Variants in ARHGAP10 observed in about 807,000 individuals in gnomAD.
The protein encoded by ARHGAP10 is rho GTPase-activating protein 10.
Under a neutral mutation model 108.6 loss-of-function variants are expected in ARHGAP10, and 87 were observed. The observed-to-expected ratio is 0.80, with a 90% CI of 0.67 to 0.96. ARHGAP10 has a LOEUF of 0.96. ARHGAP10 is among the 40% of genes least tolerant of loss of function. The probability of loss-of-function intolerance (pLI) is 0.00; values close to 1 mark genes in which losing one functional copy is unlikely to be tolerated. For synonymous variants in ARHGAP10, 347 were observed against 341.1 expected (o/e 1.02, Z -0.19); for missense variants, 939 against 954.5 (o/e 0.98, Z 0.21).
At chr4:147,904,216 T>C (rs979708035) in intron 10 of ARHGAP10, among the ~76,000 whole-genome samples, 1 of 151,982 alleles carries the variant, frequency 6.6e-6, no homozygotes, top group African/African-American at 2.4e-5. Flanking sequence ...GGTGCATCTT[T>C]TCTTTCTTTC....
At chr4:147,880,920 T>G (rs1735303426) in intron 9 of ARHGAP10, among the ~76,000 whole-genome samples, 1 of 151,916 alleles carries the variant, frequency 6.6e-6, no homozygotes, top group Non-Finnish European at 1.5e-5. Context: ...AAAAAAAGAG[T>G]ACAATAAGAG....
chr4:147,752,708 G>A (rs1579001076), intron 1 of ARHGAP10, among the ~76,000 whole-genome samples: 1 of 152,168 alleles, frequency 6.6e-6, no homozygotes, highest in East Asian at 1.9e-4. Flanking sequence ...CTGTATTTTA[G>A]TAGAGACGGA....
At chr4:147,738,896 T>C (rs1445161257) in intron 1 of ARHGAP10, among the ~76,000 whole-genome samples, 2 of 151,928 alleles carry the variant, frequency 1.3e-5, no homozygotes, top group Admixed American at 6.6e-5. Context: ...TGAAAACACA[T>C]TGGTGGCTGG....
intron 10 of ARHGAP10, among the ~76,000 whole-genome samples, chr4:147,904,026 G>A (rs1457515555): frequency 6.6e-6 from 1 of 152,122 alleles, no homozygotes; most frequent in Non-Finnish European, 1.5e-5. Flanking sequence ...TTTTACTTTT[G>A]TAAGAAACAA....
intron 12 of ARHGAP10, among the ~76,000 whole-genome samples, chr4:147,911,642 G>A (rs1045231873): frequency 4.1e-4 from 16 of 39,268 alleles, no homozygotes; most frequent in Non-Finnish European, 2.0e-3. Context: ...GATTACAGGC[G>A]TGAGCCACCG....
rs780159587 is a variant in ARHGAP10, at chr4:147,826,225, C to T, written c.312+3268C>T. Among the ~76,000 whole-genome samples, 9 of 152,128 alleles carry T rather than the reference C, an allele frequency of 5.9e-5. No homozygotes were observed. The East Asian group carries it at 9.6e-4, about 16-fold the overall frequency. On this transcript the variant is annotated intron_variant, in intron 3 of 22. Coordinates refer to ENST00000336498, the MANE Select transcript of ARHGAP10 (RefSeq NM_024605.4). ...CTGTTTTAGGTTCCTAGAAATAGAG[C>T]GATGAGGTCCAAAAACAGGAACATG... is the stretch of plus-strand genomic sequence containing the variant.
chr4:147,964,013 G>A (rs550633102), intron 16 of ARHGAP10, among the ~76,000 whole-genome samples: 54 of 152,318 alleles, frequency 3.5e-4, no homozygotes, highest in African/African-American at 1.3e-3. Flanking sequence ...ATAAGATCGT[G>A]TATTAAGCAC....
intron 3 of ARHGAP10, among the ~76,000 whole-genome samples, chr4:147,830,993 C>T (rs1560780159): frequency 6.6e-6 from 1 of 152,194 alleles, no homozygotes; most frequent in African/African-American, 2.4e-5. Flanking sequence ...AGTATGGTCC[C>T]TGGTCCAGCA....
At chr4:147,764,142 C>T (rs1729699578) in intron 1 of ARHGAP10, among the ~76,000 whole-genome samples, 1 of 152,056 alleles carries the variant, frequency 6.6e-6, no homozygotes, top group Admixed American at 6.6e-5. Flanking sequence ...AGGACGTGAG[C>T]AAGTTTCTGA....
chr4:147,812,771 A>G (rs1016625583), intron 1 of ARHGAP10, among the ~76,000 whole-genome samples: 1 of 152,206 alleles, frequency 6.6e-6, no homozygotes, highest in African/African-American at 2.4e-5. Context: ...AACTGAACCC[A>G]GGACCCAAAG....
Position 148,023,282 on chromosome 4 carries a change from A to C in ARHGAP10, c.1736A>C (p.Asp579Ala). ...TGGAAGATTTTTCGGACGCCGCCCG[A>C]TACTACATTCCCTGAGCCCACCTGC... ...NHEKIFRTPP[D>A]TTFPEPTCLS... Residue 579 changes from aspartate to alanine, a missense_variant, in exon 19 of 23, where the codon GAT becomes GCT. Coordinates refer to ENST00000336498, the MANE Select transcript of ARHGAP10 (RefSeq NM_024605.4). The C allele has an allele frequency of 6.2e-7, 1 of 1,614,092 alleles. No individual in the cohort carries two copies. Among genetic ancestry groups the C allele is most frequent in the Non-Finnish European group, 8.5e-7 (1 of 1,179,972 alleles).
At chr4:147,800,702 G>GT (rs1488184926) in intron 1 of ARHGAP10, among the ~76,000 whole-genome samples, 1 of 152,192 alleles carries the variant, frequency 6.6e-6, no homozygotes, top group African/African-American at 2.4e-5. Flanking sequence ...ATCTTTCAGA[G>GT]TTCTCCTTTG....
At chr4:147,915,814 A>G (rs1011948590) in intron 13 of ARHGAP10, among the ~76,000 whole-genome samples, 3 of 152,200 alleles carry the variant, frequency 2.0e-5, no homozygotes, top group Admixed American at 6.5e-5. Flanking sequence ...ATTGAAAATG[A>G]TGAGGACAGC....
intron 20 of ARHGAP10, among the ~76,000 whole-genome samples, chr4:148,052,723 G>A (rs1318624745): frequency 6.6e-6 from 1 of 152,158 alleles, no homozygotes; most frequent in Non-Finnish European, 1.5e-5. Context: ...TGAATTGGCA[G>A]CCAGTACCTG....
At chr4:147,798,781 C>CTA (rs201269477) in intron 1 of ARHGAP10, among the ~76,000 whole-genome samples, 142 of 7,172 alleles carry the variant, frequency 0.02, 1 homozygote, top group South Asian at 0.029. Context: ...CTCTCTCTCT[C>CTA]TATATATATA....
At position 147,893,979 on chromosome 4, in the gene ARHGAP10, A is replaced by G. The variant is rs1735891910; in HGVS notation, c.1034+12047A>G. ...CTGTGATATTTAAATGGAAATCTGAATTGACATTAATATGGATTTATTTTT... is the reference window on the plus strand; with the variant it reads ...CTGTGATATTTAAATGGAAATCTGAGTTGACATTAATATGGATTTATTTTT... On this transcript the variant is annotated intron_variant, in intron 10 of 22. Coordinates refer to ENST00000336498, the MANE Select transcript of ARHGAP10 (RefSeq NM_024605.4). 2.0e-5 allele frequency among the ~76,000 whole-genome samples: 3 copies of G among 152,326 alleles called. No individual in the cohort carries two copies. The East Asian group carries it at 5.8e-4, about 29-fold the overall frequency.
At chr4:147,824,293 A>G (rs1732617386) in intron 3 of ARHGAP10, among the ~76,000 whole-genome samples, 2 of 151,882 alleles carry the variant, frequency 1.3e-5, no homozygotes, top group South Asian at 4.1e-4. Flanking sequence ...CTGCACTCCA[A>G]ACTTGGCAAC....
In ARHGAP10 at chr4:148,050,391, T is replaced by A. The variant is rs866880582; in HGVS notation, c.2027+3340T>A. 7.9e-3 allele frequency among the ~76,000 whole-genome samples: 891 copies of A among 113,350 alleles called. 13 individuals are homozygous for A. The highest frequency in any genetic ancestry group is 0.025 in the African/African-American group (822 of 33,098). The allele number at this position is 113,350 out of a possible 152,430, so 74.4% of individuals were successfully genotyped here. ...TTTTTTTTTTTTTTTTTTTTTTTTT[T>A]AAGATGTAGTCTCGCTCTGTTGCCC... On this transcript the variant is annotated intron_variant, in intron 20 of 22. Coordinates refer to ENST00000336498, the MANE Select transcript of ARHGAP10 (RefSeq NM_024605.4).
intron 1 of ARHGAP10, among the ~76,000 whole-genome samples, chr4:147,758,352 G>T (rs1352422813): frequency 6.6e-6 from 1 of 151,952 alleles, no homozygotes; most frequent in African/African-American, 2.4e-5. Flanking sequence ...TCTTTTAGCA[G>T]CTTATTGAGA....
Sources: allele counts gnomAD v4.1 joint callset (sites outside exome capture counted in the v4.1 genomes callset), GRCh38; gene constraint gnomAD v4.1.1; transcripts MANE v1.5; gene names NCBI Gene and HGNC (gene_info 2026-07-23, HGNC 2026-07-21).